Variants in LRBA observed in about 807,000 individuals in gnomAD.
LRBA encodes the protein lipopolysaccharide-responsive and beige-like anchor protein.
In LRBA, 176 loss-of-function variants were observed where a neutral mutation model predicts 330.0. That is an observed-to-expected ratio of 0.53 (90% CI 0.47 to 0.60). LRBA has a LOEUF of 0.60. Among genes scored for constraint, LRBA ranks in the 20% least tolerant of loss-of-function variants. LRBA has a pLI of 0.00. For missense variants in LRBA, 3,259 were observed against 3,444.8 expected (o/e 0.95, Z 1.35); for synonymous variants, 1,230 against 1,193.0 (o/e 1.03, Z -0.64).
At chr4:150,337,969 G>A (rs927164979) in intron 48 of LRBA, among the ~76,000 whole-genome samples, 1 of 152,126 alleles carries the variant, frequency 6.6e-6, no homozygotes, top group African/African-American at 2.4e-5. Context: ...ACAGACTGAT[G>A]GAATTCTAAG....
At position 150,357,984 on chromosome 4, in the gene LRBA, T is replaced by C; in HGVS notation, c.7195-7825A>G. 1.3e-5 allele frequency among the ~76,000 whole-genome samples: 2 copies of C among 152,022 alleles called. 1 individual carries two copies. The highest frequency in any genetic ancestry group is 2.9e-5 in the Non-Finnish European group (2 of 67,926). ...ACAGGAGACAAAAATGACCATAATG[T>C]AAAAACAAACCAGATGGCCTGGAAA... On this transcript the variant is annotated intron_variant, in intron 47 of 56. Coordinates refer to ENST00000651943, the MANE Select transcript of LRBA (RefSeq NM_001364905.1).
intron 40 of LRBA, among the ~76,000 whole-genome samples, chr4:150,542,294 C>T (rs1452219172): frequency 6.6e-6 from 1 of 152,144 alleles, no homozygotes; most frequent in Non-Finnish European, 1.5e-5. Flanking sequence ...TCTAGCAATG[C>T]TGGGCAAACT....
chr4:150,576,046 G>C (rs1770497187), intron 40 of LRBA, among the ~76,000 whole-genome samples: 1 of 151,528 alleles, frequency 6.6e-6, no homozygotes, highest in East Asian at 1.9e-4. Context: ...TTAACAGTTG[G>C]CTCTACCAAA....
In LRBA at chr4:150,767,149, T is replaced by C. The variant is rs114643926; in HGVS notation, c.5581-5302A>G. Among the ~76,000 whole-genome samples, 289 of 152,220 alleles carry C rather than the reference T, an allele frequency of 1.9e-3. 3 individuals are homozygous for C. The highest frequency in any genetic ancestry group is 6.7e-3 in the African/African-American group (277 of 41,558). ...TCTATTCCTGCCTATCCTCAACAAA[T>C]AAATATAAAGAAAAAGATACCAATT... On this transcript the variant is annotated intron_variant, in intron 34 of 56. Transcript: ENST00000651943.
chr4:150,961,250 A>C (rs946774626), intron 2 of LRBA, among the ~76,000 whole-genome samples: 1 of 149,466 alleles, frequency 6.7e-6, no homozygotes, highest in Admixed American at 6.6e-5. Context: ...TCACAAATGC[A>C]TTCTTGAATC....
Position 150,265,728 on chromosome 4 carries a change from G to A in LRBA, c.8553C>T (p.Arg2851=), listed in dbSNP as rs1745215043. Residue 2851 remains arginine, a synonymous_variant, in exon 57 of 57, where the codon CGC becomes CGT. Coordinates refer to ENST00000651943, the MANE Select transcript of LRBA (RefSeq NM_001364905.1). ...FNRWHHEYQT[R]Y ...TGATGTACAGCTGTCACCATCAGTA[G>A]CGGGTTTGGTATTCATGATGCCACC... The A allele has an allele frequency of 1.9e-6, 3 of 1,607,844 alleles. No individual in the cohort carries two copies. The highest frequency in any genetic ancestry group is 1.7e-4 in the Middle Eastern group (1 of 6,060).
At chr4:150,487,291 ATAG>A (rs1296833399) in intron 42 of LRBA, among the ~76,000 whole-genome samples, 2 of 150,838 alleles carry the variant, frequency 1.3e-5, no homozygotes, top group Non-Finnish European at 3.0e-5. Flanking sequence ...TTTGAAAAGA[ATAG>A]TAATTATATC....
At chr4:150,416,486 T>G (rs1747769524) in intron 46 of LRBA, among the ~76,000 whole-genome samples, 1 of 152,220 alleles carries the variant, frequency 6.6e-6, no homozygotes, top group South Asian at 2.1e-4. Flanking sequence ...ACCTCCATGA[T>G]CCATGTGAAA....
At chr4:151,008,994 T>A (rs369549319) in intron 2 of LRBA, among the ~76,000 whole-genome samples, 10,856 of 18,258 alleles carry the variant, frequency 0.59, 2,534 homozygotes, top group Non-Finnish European at 0.67. Context: ...AAAAAATATA[T>A]ATATATATAT....
chr4:150,782,524 TG>T (rs1424493428), intron 34 of LRBA, among the ~76,000 whole-genome samples: 3 of 152,204 alleles, frequency 2.0e-5, no homozygotes, highest in Non-Finnish European at 2.9e-5. Flanking sequence ...CCTTGGCTTG[TG>T]GCCAAAGAAA....
At chr4:150,300,532 A>G (rs1305888183) in intron 53 of LRBA, among the ~76,000 whole-genome samples, 1 of 152,054 alleles carries the variant, frequency 6.6e-6, no homozygotes, top group Non-Finnish European at 1.5e-5. Flanking sequence ...GCTTCTGATA[A>G]CACCTTAACT....
rs200901002 is a variant in LRBA at position 150,786,872 on chromosome 4, G to C, written c.5580+11209C>G. Reference sequence around the variant, plus strand: ...GCTCTACCTTGGCAGCAGGCAAGAAGAACCTATTGGGCAATTACATTGGAA... The same window carrying C: ...GCTCTACCTTGGCAGCAGGCAAGAACAACCTATTGGGCAATTACATTGGAA... On this transcript the variant is annotated intron_variant, in intron 34 of 56. Coordinates refer to ENST00000651943, the MANE Select transcript of LRBA (RefSeq NM_001364905.1). Among the ~76,000 whole-genome samples, 5 of 152,164 alleles carry C rather than the reference G, an allele frequency of 3.3e-5. No individual in the cohort carries two copies. In the East Asian group the frequency reaches 9.6e-4, roughly 29 times the overall value.
intron 37 of LRBA, among the ~76,000 whole-genome samples, chr4:150,655,828 A>G (rs1477807571): frequency 6.6e-6 from 1 of 152,242 alleles, no homozygotes; most frequent in Non-Finnish European, 1.5e-5. Flanking sequence ...AATTCTATTT[A>G]ATAAAAATCA....
intron 36 of LRBA, among the ~76,000 whole-genome samples, chr4:150,731,142 C>T (rs1390386980): frequency 6.6e-6 from 1 of 152,256 alleles, no homozygotes; most frequent in South Asian, 2.1e-4. Flanking sequence ...CAGGTAATAA[C>T]AAACGCTGTC....
chr4:150,809,798 A>G (rs560875554), intron 31 of LRBA, among the ~76,000 whole-genome samples: 59 of 152,116 alleles, frequency 3.9e-4, no homozygotes, highest in Non-Finnish European at 7.1e-4. Context: ...CAGTGTGCCA[A>G]GACTGCACTA....
chr4:150,823,002 C>A (rs1745687783), intron 30 of LRBA, among the ~76,000 whole-genome samples: 1 of 152,170 alleles, frequency 6.6e-6, no homozygotes, highest in Non-Finnish European at 1.5e-5. Context: ...AACCTCCAAA[C>A]TGTTTCCCAT....
In LRBA at chr4:150,318,709, T is replaced by C. The variant is rs187404588; in HGVS notation, c.7630+2482A>G. Among the ~76,000 whole-genome samples the C allele has an allele frequency of 5.3e-3, 814 of 152,336 alleles. 5 individuals are homozygous for C. Among genetic ancestry groups the C allele is most frequent in the African/African-American group, 0.018 (769 of 41,592 alleles). ...GCCTGTGGTGTATTCCCATATGTTA[T>C]CGCTTTTTGTATTTTTCTGGTGAAA... On this transcript the variant is annotated intron_variant, in intron 50 of 56. Transcript: ENST00000651943.
intron 38 of LRBA, among the ~76,000 whole-genome samples, chr4:150,591,873 G>C (rs558065490): frequency 6.6e-6 from 1 of 152,130 alleles, no homozygotes; most frequent in Non-Finnish European, 1.5e-5. Flanking sequence ...TCAAAACTCT[G>C]ATTCAAAACC....
At chr4:150,420,350 C>CATTATAGTATAAAGTATATATAAT (rs1345778449) in intron 46 of LRBA, among the ~76,000 whole-genome samples, 1 of 141,980 alleles carries the variant, frequency 7.0e-6, no homozygotes, top group Non-Finnish European at 1.5e-5. Flanking sequence ...ATATATAATA[C>CATTATAGTATAAAGTATATATAAT]ACATTATAGT....
Sources: allele counts gnomAD v4.1 joint callset (sites outside exome capture counted in the v4.1 genomes callset), GRCh38; gene constraint gnomAD v4.1.1; transcripts MANE v1.5; gene names NCBI Gene and HGNC (gene_info 2026-07-23, HGNC 2026-07-21).